The following ADCY9 variants were observed in gnomAD, a reference collection of about 807,000 sequenced individuals.
The protein encoded by ADCY9 is adenylate cyclase type 9.
A neutral mutation model predicts 101.5 loss-of-function variants in ADCY9; 50 were observed. The observed-to-expected ratio is 0.49, with a 90% CI of 0.39 to 0.62. ADCY9 has a LOEUF of 0.62. Ranked by LOEUF, ADCY9 falls within the 20% of genes least tolerant of loss-of-function variation. The pLI, the probability that ADCY9 is intolerant of heterozygous loss-of-function variation, is 0.00. For missense variants in ADCY9, 1,662 were observed against 1,800.4 expected, an observed-to-expected ratio of 0.92 and a Z score of 1.39; for synonymous variants, 905 against 769.3, an observed-to-expected ratio of 1.18 and a Z score of -2.92.
chr16:4,002,288 T>C (rs1180473241), intron 3 of ADCY9, among the ~76,000 whole-genome samples: 1 of 152,208 alleles, frequency 6.6e-6, no homozygotes, highest in Non-Finnish European at 1.5e-5. Flanking sequence ...CTATAACGAA[T>C]GAAAAGCCCC....
At chr16:3,988,497 T>TGTGGGGGATTCCCTTCCAGGGCCGGG in intron 6 of ADCY9, among the ~76,000 whole-genome samples, 1 of 19,098 alleles carries the variant, frequency 5.2e-5, no homozygotes, top group Admixed American at 6.8e-4. Context: ...CCAGGGCAGG[T>TGTGGGGGATTCCCTTCCAGGGCCGGG]GTGGGGGGTT....
intron 9 of ADCY9, among the ~76,000 whole-genome samples, chr16:3,975,173 G>C (rs1267595184): frequency 5.9e-5 from 9 of 152,184 alleles, no homozygotes; most frequent in Admixed American, 5.9e-4. Context: ...TGAGGGACCT[G>C]TGATGGATTT....
chr16:4,009,867 C>T (rs768002913), intron 2 of ADCY9, among the ~76,000 whole-genome samples: 7 of 152,160 alleles, frequency 4.6e-5, no homozygotes, highest in African/African-American at 7.2e-5. Context: ...AAGAAGTACA[C>T]GCAAGGAGGC....
chr16:4,012,980 C>A (rs189432168), intron 2 of ADCY9, among the ~76,000 whole-genome samples: 1 of 151,938 alleles, frequency 6.6e-6, no homozygotes, highest in African/African-American at 2.4e-5. Context: ...CAGCGAGGCA[C>A]GGGGATCACA....
At position 3,992,436 on chromosome 16, in the gene ADCY9, C is replaced by T. The variant is rs1035011176; in HGVS notation, c.1990-73G>A. ...GGGCACTGGGCACACACGCCTGTCC[C>T]ACCCCGACCTCCGCTGCGGGGCGCT... On this transcript the variant is annotated intron_variant, in intron 4 of 10. Coordinates refer to ENST00000294016, the MANE Select transcript of ADCY9 (RefSeq NM_001116.4). The surrounding 1 kb of genome is among the most constrained non-coding windows in gnomAD (Gnocchi z 4.2). The T allele has an allele frequency of 1.2e-5, 17 of 1,403,616 alleles. No individual in the cohort carries two copies. In the East Asian group the frequency reaches 3.3e-4, roughly 27 times the overall value. 86.9% of individuals were successfully genotyped at this position (1,403,616 alleles called of 1,614,324 possible).
intron 8 of ADCY9, 109 bp from the exon 9 acceptor site, chr16:3,977,739 C>G: frequency 1.5e-6 from 2 of 1,361,394 alleles, no homozygotes; most frequent in Non-Finnish European, 2.0e-6. Flanking sequence ...TTTTTTTTGA[C>G]TGAGTCTCAC....
intron 2 of ADCY9, among the ~76,000 whole-genome samples, chr16:4,061,820 G>A (rs906338395): frequency 3.3e-5 from 5 of 152,128 alleles, no homozygotes; most frequent in Non-Finnish European, 7.4e-5. Flanking sequence ...ATATACAGCA[G>A]ATTTATAAAT....
At chr16:4,047,324 AAG>A (rs1054714178) in intron 2 of ADCY9, among the ~76,000 whole-genome samples, 1 of 150,854 alleles carries the variant, frequency 6.6e-6, no homozygotes, top group Non-Finnish European at 1.5e-5. Context: ...GATAAAAAGA[AAG>A]AGAGAGCTAG....
chr16:4,099,540 T>C (rs116839724), intron 2 of ADCY9, among the ~76,000 whole-genome samples: 2,209 of 152,268 alleles, frequency 0.015, 49 homozygotes, highest in African/African-American at 0.05. Flanking sequence ...TTCTCAACTC[T>C]TTAAAAAGGT....
rs1266716194 is a variant in ADCY9 at position 3,979,281 on chromosome 16, A to G, written c.2520-6T>C. The G allele has an allele frequency of 6.2e-7, 1 of 1,613,370 alleles. No individual in the cohort carries two copies. Among genetic ancestry groups the G allele is most frequent in the Non-Finnish European group, 8.5e-7 (1 of 1,179,864 alleles). On this transcript the variant is annotated splice_polypyrimidine_tract_variant and splice_region_variant and intron_variant, in intron 7 of 10. Coordinates refer to ENST00000294016, the MANE Select transcript of ADCY9 (RefSeq NM_001116.4). ...CCTCCAGGAAGAACACCATCCTGCG[A>G]GAGGCATGGGGGTTAGCAGGAGCGA...
intron 2 of ADCY9, among the ~76,000 whole-genome samples, chr16:4,101,839 C>G (rs1457573212): frequency 1.3e-5 from 2 of 152,180 alleles, no homozygotes. Flanking sequence ...AGGGGCCCAT[C>G]ATCTTAAGAA....
downstream of ADCY9, among the ~76,000 whole-genome samples, chr16:3,961,010 G>A (rs576849732): frequency 5.9e-5 from 9 of 152,260 alleles, no homozygotes; most frequent in South Asian, 1.9e-3. Context: ...CCACAGTGGG[G>A]GAAAAGCAAC....
intron 2 of ADCY9, among the ~76,000 whole-genome samples, chr16:4,043,617 G>A (rs1294227825): frequency 6.6e-6 from 1 of 152,102 alleles, no homozygotes; most frequent in Non-Finnish European, 1.5e-5. Flanking sequence ...TTGAACATGA[G>A]AGGCAGAGGT....
intron 2 of ADCY9, among the ~76,000 whole-genome samples, chr16:4,028,356 T>C (rs979942646): frequency 6.6e-6 from 1 of 152,152 alleles, no homozygotes; most frequent in South Asian, 2.1e-4. Context: ...AATCCACGTG[T>C]CCAGCAGCTG....
In ADCY9 at chr16:3,966,861, C is replaced by A; in HGVS notation, c.2976G>T (p.Leu992Phe). The A allele has an allele frequency of 6.2e-7, 1 of 1,614,170 alleles. No individual in the cohort carries two copies. Among genetic ancestry groups the A allele is most frequent in the Non-Finnish European group, 8.5e-7 (1 of 1,180,048 alleles). Residue 992 changes from leucine (L) to phenylalanine (F), a missense_variant, in exon 11 of 11, where the codon TTG (leucine) becomes TTT (phenylalanine). Physicochemically the swap from Leu to Phe is conservative, Grantham distance 22 (BLOSUM62 0). This residue lies in a region of ADCY9 where 624 missense variants were observed against 639.1 expected (regional missense o/e 0.98). Transcript: ENST00000294016. ...VVLVFFLLLL[L>F]VWFLNREFEV... ...CAAATTCGCGATTCAGGAACCAGACCAACAAGAGCAGGAGAAAGAAGACGA... is the reference window on the plus strand; with the variant it reads ...CAAATTCGCGATTCAGGAACCAGACAAACAAGAGCAGGAGAAAGAAGACGA...
At chr16:4,052,363 T>A (rs2056707163) in intron 2 of ADCY9, among the ~76,000 whole-genome samples, 1 of 152,140 alleles carries the variant, frequency 6.6e-6, no homozygotes, top group South Asian at 2.1e-4. Flanking sequence ...GTGCAGGCTA[T>A]CCGGGACAGC....
At chr16:4,097,553 A>ATATATTTTTTTTTT (rs1382458827) in intron 2 of ADCY9, among the ~76,000 whole-genome samples, 3 of 53,402 alleles carry the variant, frequency 5.6e-5, no homozygotes, top group African/African-American at 1.7e-4. Context: ...ATATATATAT[A>ATATATTTTTTTTTT]TTTTTTTTTT....
chr16:4,103,875 C>T (rs2057059563), intron 2 of ADCY9, among the ~76,000 whole-genome samples: 2 of 152,092 alleles, frequency 1.3e-5, no homozygotes, highest in Non-Finnish European at 2.9e-5. Flanking sequence ...ATGAAGCTGT[C>T]AACATGAATG....
rs1267974635 is a variant in ADCY9 at position 3,979,223 on chromosome 16, A to G, written c.2572T>C (p.Trp858Arg). The stretch of plus-strand genomic sequence containing the variant: ...TGACGTGGTAGCCAGCCGGCGATCC[A>G]CTCCAGCAGGCGCTTGGTGCAGGCC... ...VMACTKRLLE[W>R]IAGWLPRHCI... is the part of the protein sequence containing the mutation. Residue 858 changes from tryptophan (W) to arginine (R), a missense_variant, in exon 8 of 11, where the codon TGG becomes CGG. By Grantham distance (101) the Trp-to-Arg change is moderately radical. This residue lies in a region of ADCY9 where 624 missense variants were observed against 639.1 expected (regional missense o/e 0.98). Coordinates refer to ENST00000294016, the MANE Select transcript of ADCY9 (RefSeq NM_001116.4). The G allele has an allele frequency of 1.2e-6, 2 of 1,613,856 alleles. No homozygotes were observed. The highest frequency in any genetic ancestry group is 8.5e-7 in the Non-Finnish European group (1 of 1,179,996).
Sources: gnomAD v4.1 joint callset for allele counts (sites outside exome capture counted in the v4.1 genomes callset) on GRCh38, gnomAD v4.1.1 for gene constraint, gnomAD v4.1.1 regional missense constraint, Gnocchi (gnomAD v3.1) non-coding constraint, MANE v1.5 for transcripts, NCBI Gene and HGNC (gene_info 2026-07-23, HGNC 2026-07-21) for gene names.